RALYL: variants seen among roughly 807,000 people sequenced by gnomAD.
RALYL encodes RNA-binding Raly-like protein.
RALYL carries 29 observed loss-of-function variants against 35.1 expected under a neutral mutation model. That is an observed-to-expected ratio of 0.83 (90% CI 0.61 to 1.13). The LOEUF is 1.13. RALYL is among the 50% of genes most tolerant of loss of function. The probability of loss-of-function intolerance (pLI) is 0.00; values close to 1 mark genes in which losing one functional copy is unlikely to be tolerated. For synonymous variants in RALYL, 120 were observed against 127.6 expected (o/e 0.94, Z 0.40); for missense variants, 359 against 360.4 (o/e 1.00, Z 0.03).
At chr8:84,861,645 G>A (rs1437736100) in intron 5 of RALYL, among the ~76,000 whole-genome samples, 1 of 152,124 alleles carries the variant, frequency 6.6e-6, no homozygotes, top group Admixed American at 6.5e-5. Context: ...CCCACCGTAA[G>A]TAGTCAACAG....
intron 1 of RALYL, among the ~76,000 whole-genome samples, chr8:84,295,952 G>A (rs1028484978): frequency 2.0e-5 from 3 of 152,070 alleles, no homozygotes; most frequent in Admixed American, 6.6e-5. Flanking sequence ...GAGCTAATGG[G>A]GAAAAGCTAC....
intron 1 of RALYL, among the ~76,000 whole-genome samples, chr8:84,347,784 T>G (rs959341082): frequency 2.6e-5 from 4 of 152,112 alleles, no homozygotes; most frequent in Non-Finnish European, 2.9e-5. Flanking sequence ...TGCACAGGAT[T>G]AGCATCAGCA....
At chr8:84,913,495 T>C (rs1169143524) in intron 8 of RALYL, among the ~76,000 whole-genome samples, 3 of 152,014 alleles carry the variant, frequency 2.0e-5, no homozygotes, top group Non-Finnish European at 2.9e-5. Flanking sequence ...AACTGACGAT[T>C]TTTCTAAATT....
At chr8:84,730,900 A>G (rs1846049213) in intron 2 of RALYL, among the ~76,000 whole-genome samples, 1 of 152,114 alleles carries the variant, frequency 6.6e-6, no homozygotes, top group South Asian at 2.1e-4. Context: ...AAAAGAGATA[A>G]TGAAAAAATA....
At chr8:84,381,065 A>G (rs1423204074) in intron 1 of RALYL, among the ~76,000 whole-genome samples, 3 of 151,848 alleles carry the variant, frequency 2.0e-5, no homozygotes, top group African/African-American at 7.2e-5. Flanking sequence ...ACAAAATTTC[A>G]TCAAGTACAA....
chr8:84,681,938 A>C lies in RALYL; in HGVS notation c.257-92641A>C, dbSNP rs533708589. Among the ~76,000 whole-genome samples the C allele has an allele frequency of 7.1e-4, 108 of 152,186 alleles. 1 individual carries two copies. The highest frequency in any genetic ancestry group is 2.1e-3 in the African/African-American group (86 of 41,542). ...GTGCCAGTTTTCAAAGGGAATGCTT[A>C]CAGTTTTTGCCCATTCAGTATGATA... On this transcript the variant is annotated intron_variant, in intron 2 of 8. Coordinates refer to ENST00000521268, the MANE Select transcript of RALYL (RefSeq NM_173848.7).
chr8:84,500,764 GCT>G (rs1374895521), intron 1 of RALYL, among the ~76,000 whole-genome samples: 1 of 152,156 alleles, frequency 6.6e-6, no homozygotes, highest in African/African-American at 2.4e-5. Flanking sequence ...TAAATGTGAT[GCT>G]GGGTGTTCTG....
chr8:84,254,776 C>G (rs1413983600), intron 1 of RALYL, among the ~76,000 whole-genome samples: 1 of 139,502 alleles, frequency 7.2e-6, no homozygotes, highest in Admixed American at 7.3e-5. Context: ...TTAATTGACT[C>G]ACAGCTCACC....
intron 2 of RALYL, among the ~76,000 whole-genome samples, chr8:84,548,814 T>G (rs1396681283): frequency 1.3e-5 from 2 of 152,204 alleles, no homozygotes; most frequent in African/African-American, 4.8e-5. Flanking sequence ...GGACCTAATT[T>G]GCTTTCTGTT....
intron 4 of RALYL, among the ~76,000 whole-genome samples, chr8:84,835,330 C>CT (rs1316740983): frequency 6.6e-6 from 1 of 151,832 alleles, no homozygotes; most frequent in Non-Finnish European, 1.5e-5. Flanking sequence ...ATTCAACAAA[C>CT]TTTATAATGG....
intron 5 of RALYL, among the ~76,000 whole-genome samples, chr8:84,854,121 G>A (rs1415081998): frequency 6.6e-6 from 1 of 152,024 alleles, no homozygotes; most frequent in Non-Finnish European, 1.5e-5. Flanking sequence ...CGAGGCAGAC[G>A]GATCACCTGC....
chr8:84,338,279 A>T (rs1343123172), intron 1 of RALYL, among the ~76,000 whole-genome samples: 2 of 152,032 alleles, frequency 1.3e-5, no homozygotes, highest in Non-Finnish European at 2.9e-5. Context: ...GTGGGACCAT[A>T]GTGCAGACTC....
chr8:84,823,688 C>T (rs1828996653), intron 4 of RALYL, among the ~76,000 whole-genome samples: 1 of 151,890 alleles, frequency 6.6e-6, no homozygotes, highest in Non-Finnish European at 1.5e-5. Flanking sequence ...TCTTTATTTT[C>T]CTCTCACTCT....
intron 4 of RALYL, among the ~76,000 whole-genome samples, chr8:84,836,259 T>G (rs1831999949): frequency 6.6e-6 from 1 of 152,164 alleles, no homozygotes; most frequent in Non-Finnish European, 1.5e-5. Context: ...TAATCATCCT[T>G]TAAATGTGTG....
chr8:84,667,721 C>T (rs1832365280), intron 2 of RALYL, among the ~76,000 whole-genome samples: 1 of 151,996 alleles, frequency 6.6e-6, no homozygotes, highest in African/African-American at 2.4e-5. Flanking sequence ...AGACTTGACC[C>T]CGGTCATCAT....
At chr8:84,313,576 C>T (rs1301481416) in intron 1 of RALYL, among the ~76,000 whole-genome samples, 8 of 152,142 alleles carry the variant, frequency 5.3e-5, no homozygotes, top group South Asian at 2.1e-4. Context: ...ATTTCTTCTG[C>T]GAGATACCCT....
At chr8:84,766,921 A>T (rs564083689) in intron 2 of RALYL, among the ~76,000 whole-genome samples, 3 of 152,116 alleles carry the variant, frequency 2.0e-5, no homozygotes, top group Admixed American at 2.0e-4. Context: ...GCTGAAGGGC[A>T]TAAGAAACTG....
chr8:84,328,721 A>G (rs762307428), intron 1 of RALYL, among the ~76,000 whole-genome samples: 1 of 152,184 alleles, frequency 6.6e-6, no homozygotes, highest in Non-Finnish European at 1.5e-5. Flanking sequence ...CCCAGTGAGC[A>G]TAGTACCCAA....
intron 1 of RALYL, among the ~76,000 whole-genome samples, chr8:84,201,830 G>T (rs1816918663): frequency 3.9e-5 from 6 of 151,950 alleles, no homozygotes; most frequent in Admixed American, 3.9e-4. Flanking sequence ...GCCTCCCAAA[G>T]CACTGGTATA....
Sources: allele counts gnomAD v4.1 joint callset (sites outside exome capture counted in the v4.1 genomes callset), GRCh38; gene constraint gnomAD v4.1.1; transcripts MANE v1.5; gene names NCBI Gene and HGNC (gene_info 2026-07-23, HGNC 2026-07-21).